KDM8: variants seen among roughly 807,000 people sequenced by gnomAD.
KDM8 encodes bifunctional peptidase and arginyl-hydroxylase JMJD5.
In KDM8, 35 loss-of-function variants were observed where a neutral mutation model predicts 46.9. The observed-to-expected ratio is 0.75, with a 90% CI of 0.57 to 0.99. KDM8 has a LOEUF of 0.99. Ranked by LOEUF, KDM8 falls within the 50% of genes least tolerant of loss-of-function variation. The pLI is 0.00. For synonymous variants in KDM8, 232 were observed against 227.7 expected, an observed-to-expected ratio of 1.02 and a Z score of -0.17; for missense variants, 475 against 537.0, an observed-to-expected ratio of 0.88 and a Z score of 1.14.
At chr16:27,206,175 T>C in intron 1 of KDM8, 1 of 974,922 alleles carries the variant, frequency 1.0e-6, no homozygotes. Flanking sequence ...CACACATCTT[T>C]TTTCTTCTTG....
chr16:27,219,232 G>A (rs2083590010), intron 6 of KDM8, 122 bp downstream of exon 6: 2 of 1,118,288 alleles, frequency 1.8e-6, no homozygotes, highest in South Asian at 1.6e-5. Flanking sequence ...TGAAGGGGAT[G>A]AGGACAAAAA....
chr16:27,220,451 C>G lies in KDM8; in HGVS notation c.1052C>G (p.Pro351Arg), dbSNP rs1282258541. 2 of 1,614,038 alleles carry G rather than the reference C, an allele frequency of 1.2e-6. No homozygotes were observed. Among genetic ancestry groups the G allele is most frequent in the African/African-American group, 2.7e-5 (2 of 74,914 alleles). ...CCGCAGGAGTCAGGGGCTCTGTACC[C>G]TCATGACACGCACCTTCTCCATAAC... ...YSPQESGALY[P>R]HDTHLLHNTS... The change falls in exon 7 of 8, where the codon CCT becomes CGT. Residue 351 changes from proline (P) to arginine (R), a missense_variant. Coordinates refer to ENST00000286096, the MANE Select transcript of KDM8 (RefSeq NM_024773.3).
At chr16:27,204,504 T>C (rs764853024) in intron 1 of KDM8, 4 of 357,794 alleles carry the variant, frequency 1.1e-5, no homozygotes, top group Non-Finnish European at 1.9e-5. Context: ...ACTGCCATAA[T>C]AACATTGAGG....
Position 27,210,269 on chromosome 16 carries a change from T to G in KDM8, c.146T>G (p.Leu49Trp), listed in dbSNP as rs2083468553. ...EKVERSVVTL[L>W]QRATELFYEG... ...GTGGAGAGGAGCGTGGTGACATTGT[T>G]GCAGCGAGCCACTGAGCTCTTCTAC... Residue 49 changes from leucine (L) to tryptophan (W), a missense_variant, in exon 2 of 8, where the codon TTG (leucine) becomes TGG (tryptophan). Physicochemically the swap from Leu to Trp is moderately conservative, Grantham distance 61 (BLOSUM62 -2). Coordinates refer to ENST00000286096, the MANE Select transcript of KDM8 (RefSeq NM_024773.3). 6.2e-7 allele frequency: 1 copy of G among 1,613,072 alleles called. No homozygotes were observed. Among genetic ancestry groups the G allele is most frequent in the South Asian group, 1.1e-5 (1 of 91,092 alleles).
At chr16:27,215,591 G>A (rs553144266) in intron 4 of KDM8, among the ~76,000 whole-genome samples, 1 of 152,230 alleles carries the variant, frequency 6.6e-6, no homozygotes, top group African/African-American at 2.4e-5. Flanking sequence ...AATTACGACA[G>A]GACAGGATAG....
intron 2 of KDM8, chr16:27,211,395 G>A: frequency 2.9e-6 from 1 of 342,848 alleles, no homozygotes; most frequent in South Asian, 2.3e-5. Context: ...CCACCCCTTG[G>A]GTCTATGTGC....
chr16:27,212,947 C>T (rs2083501217), intron 2 of KDM8, among the ~76,000 whole-genome samples: 1 of 152,316 alleles, frequency 6.6e-6, no homozygotes, highest in South Asian at 2.1e-4. Flanking sequence ...ACCTTGGTCT[C>T]CCAAAGTGCT....
At chr16:27,216,023 C>T (rs984410683) in intron 5 of KDM8, 34 bp downstream of exon 5, 9 of 1,611,458 alleles carry the variant, frequency 5.6e-6, no homozygotes, top group South Asian at 1.1e-5. Flanking sequence ...TGCCCCTCAC[C>T]GTCTCACCTT....
intron 1 of KDM8, among the ~76,000 whole-genome samples, chr16:27,205,025 C>A (rs1252098998): frequency 6.6e-6 from 1 of 151,734 alleles, no homozygotes; most frequent in South Asian, 2.1e-4. Context: ...GACTCCGTCT[C>A]AAAAAAAATA....
At chr16:27,219,597 A>G (rs2083595444) in intron 6 of KDM8, among the ~76,000 whole-genome samples, 1 of 152,250 alleles carries the variant, frequency 6.6e-6, no homozygotes, top group Non-Finnish European at 1.5e-5. Context: ...AGAGAGGTTT[A>G]GTAAAGGAGA....
chr16:27,213,910 T>C (rs1480043024), intron 3 of KDM8, 159 bp downstream of exon 3: 5 of 697,760 alleles, frequency 7.2e-6, no homozygotes, highest in Non-Finnish European at 1.1e-5. Flanking sequence ...GAGTGAAAAG[T>C]AAGGTGCTCT....
rs963060274 is a variant in KDM8, at chr16:27,221,607, C to T, written c.*877C>T. The T allele has an allele frequency of 1.3e-5, 2 of 152,270 alleles. No individual in the cohort carries two copies. The highest frequency in any genetic ancestry group is 4.8e-5 in the African/African-American group (2 of 41,454). 9.4% of individuals were successfully genotyped at this position (152,270 alleles called of 1,614,324 possible). A position where few individuals can be genotyped will look rare whatever the true frequency, so the allele number is the denominator to read the frequency against. ...CCCCCAGAAGTAATGACTCTCAAAC[C>T]TGGGGGATTTGAGGCCAGGGGGAGA... is the stretch of plus-strand genomic sequence containing the variant. On this transcript the variant is annotated 3_prime_UTR_variant, in exon 8 of 8. Transcript: ENST00000286096.
intron 6 of KDM8, among the ~76,000 whole-genome samples, chr16:27,219,668 G>T (rs1049028909): frequency 6.6e-6 from 1 of 152,224 alleles, no homozygotes; most frequent in East Asian, 1.9e-4. Flanking sequence ...CTAAGAGCTG[G>T]GCTTCGGGAG....
Position 27,215,932 on chromosome 16 carries a change from C to T in KDM8, c.799-13C>T, listed in dbSNP as rs752033626. The T allele has an allele frequency of 4.3e-6, 7 of 1,613,986 alleles. No individual in the cohort carries two copies. The highest frequency in any genetic ancestry group is 1.3e-5 in the African/African-American group (1 of 74,910). Reference sequence around the variant, plus strand: ...GCTTTCTGTGTTGCCTCTGGTTTTCCCCGGTGGATTAGCCAAGGGACGTCG... The same window carrying T: ...GCTTTCTGTGTTGCCTCTGGTTTTCTCCGGTGGATTAGCCAAGGGACGTCG... On this transcript the variant is annotated splice_polypyrimidine_tract_variant and intron_variant, in intron 4 of 7. Transcript: ENST00000286096.
rs763135937 is a variant in KDM8 at position 27,215,924 on chromosome 16, T to G, written c.799-21T>G. The G allele has an allele frequency of 1.9e-6, 3 of 1,614,106 alleles. No homozygotes were observed. In the South Asian group the frequency reaches 3.3e-5, roughly 18 times the overall value. ...CTAACTGGGCTTTCTGTGTTGCCTC[T>G]GGTTTTCCCCGGTGGATTAGCCAAG... On this transcript the variant is annotated intron_variant, in intron 4 of 7. Coordinates refer to ENST00000286096, the MANE Select transcript of KDM8 (RefSeq NM_024773.3).
intron 1 of KDM8, 31 bp from the exon 2 acceptor site, chr16:27,210,062 G>A (rs1419247804): frequency 8.9e-6 from 14 of 1,565,768 alleles, no homozygotes; most frequent in South Asian, 2.4e-5. Context: ...CTGTCCTGGT[G>A]TCTAACTCTT....
chr16:27,219,155 C>G (rs767513195), intron 6 of KDM8, 45 bp downstream of exon 6: 2 of 1,546,874 alleles, frequency 1.3e-6, no homozygotes, highest in Admixed American at 1.9e-5. Flanking sequence ...TCCTCCTGGC[C>G]CAGACACCTG....
In KDM8 at chr16:27,210,138, C is replaced by G. The variant is rs747873307; in HGVS notation, c.15C>G (p.Thr5=). 1 of 1,612,554 alleles carries G rather than the reference C, an allele frequency of 6.2e-7. No homozygotes were observed. Among genetic ancestry groups the G allele is most frequent in the Non-Finnish European group, 8.5e-7 (1 of 1,179,666 alleles). MAGD[T]HCPAEPLARE... ...GTGGTGGCCCGATGGCTGGAGACAC[C>G]CACTGCCCCGCAGAGCCCCTGGCCA... Residue 5 remains threonine, a synonymous_variant, in exon 2 of 8, where the codon ACC becomes ACG. Coordinates refer to ENST00000286096, the MANE Select transcript of KDM8 (RefSeq NM_024773.3).
chr16:27,213,650 C>A lies in KDM8; in HGVS notation c.564C>A (p.His188Gln). The A allele has an allele frequency of 1.2e-6, 2 of 1,614,228 alleles. No individual in the cohort carries two copies. Among genetic ancestry groups the A allele is most frequent in the South Asian group, 1.1e-5 (1 of 91,080 alleles). The part of the protein sequence containing the change: ...VKLEKTVPRL[H>Q]RPSLQHFREQ... Reference sequence around the variant, plus strand: ...TAGAAAAAACAGTCCCCCGGCTGCACCGTCCGTCCCTCCAGCATTTCAGGG... The same window carrying A: ...TAGAAAAAACAGTCCCCCGGCTGCAACGTCCGTCCCTCCAGCATTTCAGGG... The change falls in exon 3 of 8, where the codon CAC becomes CAA. Residue 188 changes from histidine to glutamine, a missense_variant. His to Gln is a conservative substitution (Grantham distance 24). Coordinates refer to ENST00000286096, the MANE Select transcript of KDM8 (RefSeq NM_024773.3).
Sources: gnomAD v4.1 joint callset for allele counts (sites outside exome capture counted in the v4.1 genomes callset) on GRCh38, gnomAD v4.1.1 for gene constraint, MANE v1.5 for transcripts, NCBI Gene and HGNC (gene_info 2026-07-23, HGNC 2026-07-21) for gene names.